The following UNC5C variants were observed in gnomAD, a reference collection of about 807,000 sequenced individuals.
The protein encoded by UNC5C is unc-5 netrin receptor C.
Under a neutral mutation model 99.8 loss-of-function variants are expected in UNC5C, and 47 were observed. That is an observed-to-expected ratio of 0.47 (90% CI 0.37 to 0.60). The LOEUF (loss-of-function observed/expected upper bound fraction) is 0.60, where lower values mean the gene tolerates loss of function less well. Ranked by LOEUF, UNC5C falls within the 20% of genes least tolerant of loss-of-function variation. The pLI is 0.00. For synonymous variants in UNC5C, 487 were observed against 452.2 expected, an observed-to-expected ratio of 1.08 and a Z score of -0.98; for missense variants, 1,062 against 1,165.9, an observed-to-expected ratio of 0.91 and a Z score of 1.30.
chr4:95,490,717 C>T (rs1367928367), intron 1 of UNC5C, among the ~76,000 whole-genome samples: 1 of 151,750 alleles, frequency 6.6e-6, no homozygotes, highest in Non-Finnish European at 1.5e-5. Flanking sequence ...ATTAAGGGAA[C>T]ATCTAAAGAT....
rs1735943487 is a variant in UNC5C at position 95,168,448 on chromosome 4, AAAC to A, written c.*783_*785del. ...AAATAATAATAATACCTTTAAAAAA[AAAC>A]ACTTCATATTGCATATTACAAACAA... On this transcript the variant is annotated 3_prime_UTR_variant, in exon 16 of 16. Transcript: ENST00000453304. 6.6e-6 allele frequency: 1 copy of A among 152,660 alleles called. No individual in the cohort carries two copies. The highest frequency in any genetic ancestry group is 1.5e-5 in the Non-Finnish European group (1 of 68,046). The allele number at this position is 152,660 out of a possible 1,614,324, so 9.5% of individuals were successfully genotyped here. A position where few individuals can be genotyped will look rare whatever the true frequency, so the allele number is the denominator to read the frequency against.
At position 95,468,928 on chromosome 4, in the gene UNC5C, A is replaced by T. The variant is rs1164097465; in HGVS notation, c.124+79806T>A. 2.6e-5 allele frequency among the ~76,000 whole-genome samples: 4 copies of T among 152,276 alleles called. No homozygotes were observed. In the East Asian group the frequency reaches 7.8e-4, roughly 30 times the overall value. On this transcript the variant is annotated intron_variant, in intron 1 of 15. Coordinates refer to ENST00000453304, the MANE Select transcript of UNC5C (RefSeq NM_003728.4). ...TAGGGACAAAGCATCAGTGAAACCA[A>T]TTCACAAAAGGGGTTCTCTTTGCTC...
chr4:95,251,668 A>G (rs1019355494), intron 4 of UNC5C, among the ~76,000 whole-genome samples: 5 of 152,196 alleles, frequency 3.3e-5, no homozygotes, highest in African/African-American at 1.2e-4. Flanking sequence ...ATTAGGGTGA[A>G]TGTGGATACA....
chr4:95,269,890 T>C (rs140844221), intron 4 of UNC5C, among the ~76,000 whole-genome samples: 2,085 of 152,118 alleles, frequency 0.014, 38 homozygotes, highest in African/African-American at 0.047. Flanking sequence ...TTTTGTATTT[T>C]TTTTAGTAGA....
intron 1 of UNC5C, among the ~76,000 whole-genome samples, chr4:95,493,985 C>T (rs568554898): frequency 1.3e-5 from 2 of 151,540 alleles, no homozygotes; most frequent in Admixed American, 1.3e-4. Context: ...CTATATGATA[C>T]ATTTCATGAT....
chr4:95,249,501 G>C (rs1739616779), intron 5 of UNC5C, among the ~76,000 whole-genome samples: 1 of 152,296 alleles, frequency 6.6e-6, no homozygotes, highest in South Asian at 2.1e-4. Flanking sequence ...ATAATATGAG[G>C]AACTATTAGA....
At chr4:95,460,511 T>C (rs76220087) in intron 1 of UNC5C, among the ~76,000 whole-genome samples, 4 of 152,232 alleles carry the variant, frequency 2.6e-5, no homozygotes, top group African/African-American at 4.8e-5. Flanking sequence ...GTTCTCATGG[T>C]AGTGAATAAG....
chr4:95,471,821 C>T (rs566906708), intron 1 of UNC5C, among the ~76,000 whole-genome samples: 1 of 151,632 alleles, frequency 6.6e-6, no homozygotes, highest in Non-Finnish European at 1.5e-5. Flanking sequence ...CGCCTGTATG[C>T]ATTTTGTCTT....
intron 4 of UNC5C, among the ~76,000 whole-genome samples, chr4:95,262,639 C>A (rs906537064): frequency 6.6e-6 from 1 of 151,900 alleles, no homozygotes; most frequent in African/African-American, 2.4e-5. Context: ...AAAAAATTAA[C>A]AATTTGATCC....
chr4:95,407,613 G>A (rs1429190829), intron 1 of UNC5C, among the ~76,000 whole-genome samples: 2 of 152,094 alleles, frequency 1.3e-5, no homozygotes, highest in Non-Finnish European at 2.9e-5. Flanking sequence ...TTAGTATGTA[G>A]AAATCTAAGG....
intron 7 of UNC5C, among the ~76,000 whole-genome samples, chr4:95,220,654 C>A (rs1224538690): frequency 2.0e-5 from 3 of 152,176 alleles, no homozygotes; most frequent in African/African-American, 7.2e-5. Flanking sequence ...AAATGACTTT[C>A]CATAGCACTC....
intron 2 of UNC5C, among the ~76,000 whole-genome samples, chr4:95,325,546 A>G (rs562939961): frequency 2.6e-5 from 4 of 152,276 alleles, no homozygotes; most frequent in African/African-American, 9.6e-5. Context: ...GGTATCTGAA[A>G]CAGGAATACA....
intron 7 of UNC5C, among the ~76,000 whole-genome samples, chr4:95,228,250 T>TTTCAAGAAAGAAAAAA (rs1738768404): frequency 6.6e-6 from 1 of 152,202 alleles, no homozygotes; most frequent in South Asian, 2.1e-4. Context: ...TTTTCTAGCC[T>TTTCAAGAAAGAAAAAA]TTTCAAATTT....
chr4:95,477,756 G>T (rs904869515), intron 1 of UNC5C, among the ~76,000 whole-genome samples: 8 of 151,984 alleles, frequency 5.3e-5, no homozygotes, highest in African/African-American at 1.7e-4. Flanking sequence ...TTTTCATGAA[G>T]AGCCATCTAG....
intron 1 of UNC5C, among the ~76,000 whole-genome samples, chr4:95,492,156 T>G (rs1476445213): frequency 6.6e-6 from 1 of 151,460 alleles, no homozygotes; most frequent in Non-Finnish European, 1.5e-5. Flanking sequence ...GCTATTTAAA[T>G]AGCAATGTAT....
intron 1 of UNC5C, among the ~76,000 whole-genome samples, chr4:95,426,255 T>C (rs896234380): frequency 1.3e-5 from 2 of 152,244 alleles, no homozygotes; most frequent in Non-Finnish European, 2.9e-5. Flanking sequence ...GAGGTTACTA[T>C]TGTAATTGTT....
chr4:95,211,168 T>A (rs1052101745), intron 10 of UNC5C, among the ~76,000 whole-genome samples: 1 of 152,196 alleles, frequency 6.6e-6, no homozygotes, highest in African/African-American at 2.4e-5. Flanking sequence ...CTTCTAGTAG[T>A]GGACATGTCT....
chr4:95,425,071 G>T (rs1213739943), intron 1 of UNC5C, among the ~76,000 whole-genome samples: 1 of 151,870 alleles, frequency 6.6e-6, no homozygotes, highest in South Asian at 2.1e-4. Flanking sequence ...AATGTTACTT[G>T]TCACTTTTCC....
At chr4:95,416,349 A>G (rs187460800) in intron 1 of UNC5C, among the ~76,000 whole-genome samples, 124 of 152,310 alleles carry the variant, frequency 8.1e-4, no homozygotes, top group Non-Finnish European at 2.2e-4. Flanking sequence ...TTAGTTTAAG[A>G]CAGGTTCATT....
Sources: allele counts gnomAD v4.1 joint callset (sites outside exome capture counted in the v4.1 genomes callset), GRCh38; gene constraint gnomAD v4.1.1; transcripts MANE v1.5; gene names NCBI Gene and HGNC (gene_info 2026-07-23, HGNC 2026-07-21).